SCG5: variants seen among roughly 807,000 people sequenced by gnomAD.
SCG5 encodes the protein neuroendocrine protein 7B2.
Under a neutral mutation model 25.7 loss-of-function variants are expected in SCG5, and 18 were observed. The ratio of observed to expected loss-of-function variants is 0.70; its 90% confidence interval spans 0.48 to 1.04. The LOEUF (loss-of-function observed/expected upper bound fraction) is 1.04. SCG5 is among the 50% of genes least tolerant of loss of function. SCG5 has a pLI of 0.00. For missense variants in SCG5, 206 were observed against 259.8 expected, an observed-to-expected ratio of 0.79 and a Z score of 1.42; for synonymous variants, 101 against 91.7, an observed-to-expected ratio of 1.10 and a Z score of -0.58.
At chr15:32,689,307 C>T (rs888146765) in intron 4 of SCG5, among the ~76,000 whole-genome samples, 16 of 152,134 alleles carry the variant, frequency 1.1e-4, no homozygotes, top group Middle Eastern at 3.2e-3. Flanking sequence ...TTGGCCAGTG[C>T]GAGTCTCCTC....
chr15:32,679,519 G>A (rs2054580256), intron 2 of SCG5, among the ~76,000 whole-genome samples: 2 of 152,170 alleles, frequency 1.3e-5, no homozygotes, highest in Admixed American at 1.3e-4. Context: ...ATGCTCTTGT[G>A]ATGCTGTATT....
intron 1 of SCG5, 54 bp from the exon 2 acceptor site, chr15:32,643,532 T>C: frequency 4.4e-6 from 6 of 1,368,018 alleles, no homozygotes; most frequent in Non-Finnish European, 6.3e-6. Context: ...ATAATTGTAT[T>C]ATCACAATTG....
At chr15:32,684,499 C>A in intron 3 of SCG5, 58 bp from the exon 4 acceptor site, 1 of 1,085,878 alleles carries the variant, frequency 9.2e-7, no homozygotes, top group Non-Finnish European at 1.4e-6. Flanking sequence ...GATAAATTAA[C>A]TCTTAGAATA....
intron 2 of SCG5, among the ~76,000 whole-genome samples, chr15:32,662,455 A>G (rs554245831): frequency 1.3e-4 from 19 of 149,810 alleles, no homozygotes; most frequent in African/African-American, 4.6e-4. Flanking sequence ...GACCAATGAA[A>G]CAGAACATCT....
intron 4 of SCG5, among the ~76,000 whole-genome samples, chr15:32,691,407 G>A (rs1437073091): frequency 1.3e-5 from 2 of 152,224 alleles, no homozygotes; most frequent in African/African-American, 4.8e-5. Flanking sequence ...GCTGTTCAAA[G>A]TGAGGAGATG....
chr15:32,653,761 C>G (rs1471331967), intron 2 of SCG5, among the ~76,000 whole-genome samples: 4 of 152,160 alleles, frequency 2.6e-5, no homozygotes, highest in Non-Finnish European at 4.4e-5. Flanking sequence ...AGAGAGTAAT[C>G]TGCTTTTCTT....
In SCG5 at chr15:32,696,595, A is replaced by C. The variant is rs375377755; in HGVS notation, c.625A>C (p.Lys209Gln). The change falls in exon 6 of 6, where the codon AAG becomes CAG. Residue 209 changes from lysine (K) to glutamine (Q), a missense_variant. Transcript: ENST00000300175. ...KSVPHFSDED[K>Q]DPE The stretch of plus-strand genomic sequence containing the variant: ...TGTCCCCCATTTTTCAGATGAGGAT[A>C]AGGATCCAGAGTAAAGAGAAGATGC... 1.2e-5 allele frequency: 19 copies of C among 1,611,014 alleles called. No individual in the cohort carries two copies. The African/African-American group carries it at 1.9e-4, about 16-fold the overall frequency.
At chr15:32,643,972 G>A (rs2140494144) in intron 2 of SCG5, among the ~76,000 whole-genome samples, 154 bp downstream of exon 2, 1 of 152,164 alleles carries the variant, frequency 6.6e-6, no homozygotes, top group East Asian at 1.9e-4. Context: ...CTTTCTCATG[G>A]TTTTCCCTTT....
chr15:32,646,808 A>C (rs2053950556), intron 2 of SCG5, among the ~76,000 whole-genome samples: 1 of 152,154 alleles, frequency 6.6e-6, no homozygotes, highest in Admixed American at 6.5e-5. Flanking sequence ...ATTTATTTGC[A>C]TTATCTTTGC....
intron 2 of SCG5, among the ~76,000 whole-genome samples, chr15:32,672,669 A>C (rs1461523541): frequency 6.6e-6 from 1 of 152,104 alleles, no homozygotes; most frequent in Non-Finnish European, 1.5e-5. Flanking sequence ...ACGGAAACGC[A>C]CTGGAAAGGG....
intron 2 of SCG5, among the ~76,000 whole-genome samples, chr15:32,651,819 G>A (rs1317707549): frequency 1.3e-5 from 2 of 152,216 alleles, no homozygotes; most frequent in African/African-American, 4.8e-5. Context: ...AGATGAACAC[G>A]ATGACATGTT....
chr15:32,669,549 C>A (rs1226187456), intron 2 of SCG5, among the ~76,000 whole-genome samples: 7 of 152,132 alleles, frequency 4.6e-5, no homozygotes, highest in Admixed American at 1.3e-4. Flanking sequence ...CAAACATGAG[C>A]CTTAACCTTA....
At chr15:32,674,307 C>A (rs1017727823) in intron 2 of SCG5, among the ~76,000 whole-genome samples, 7 of 152,084 alleles carry the variant, frequency 4.6e-5, no homozygotes, top group African/African-American at 1.7e-4. Context: ...AATCGGAAAC[C>A]TCTGTTAATT....
intron 4 of SCG5, among the ~76,000 whole-genome samples, chr15:32,687,176 CT>C (rs901066015): frequency 2.0e-5 from 3 of 152,188 alleles, no homozygotes; most frequent in African/African-American, 7.2e-5. Flanking sequence ...CTCTTCATCT[CT>C]TCTTGAAAAT....
rs1487963240 is a variant in SCG5 at position 32,686,457 on chromosome 15, G to T, written c.489+1788G>T. Among the ~76,000 whole-genome samples, 3 of 152,110 alleles carry T rather than the reference G, an allele frequency of 2.0e-5. No individual in the cohort carries two copies. The East Asian group carries it at 5.8e-4, about 29-fold the overall frequency. ...AAGGGGGAAAAACTAACTAGAATTG[G>T]TATACGGAATAAATATAACATGAAG... On this transcript the variant is annotated intron_variant, in intron 4 of 5. Coordinates refer to ENST00000300175, the MANE Select transcript of SCG5 (RefSeq NM_001144757.3).
chr15:32,681,656 C>T (rs2054623557), intron 3 of SCG5, among the ~76,000 whole-genome samples: 1 of 151,652 alleles, frequency 6.6e-6, no homozygotes, highest in Non-Finnish European at 1.5e-5. Flanking sequence ...CATTATGTTG[C>T]CCAGGCTAAA....
intron 2 of SCG5, among the ~76,000 whole-genome samples, chr15:32,650,553 C>T (rs1048907800): frequency 2.0e-5 from 3 of 152,204 alleles, no homozygotes; most frequent in African/African-American, 7.2e-5. Flanking sequence ...TGTATTATCC[C>T]CAGAAACAAA....
intron 2 of SCG5, among the ~76,000 whole-genome samples, chr15:32,659,184 A>AT (rs1362457784): frequency 1.3e-5 from 2 of 151,086 alleles, no homozygotes; most frequent in Admixed American, 1.3e-4. Context: ...TCAAAAAAAA[A>AT]CAAACAAAAA....
intron 2 of SCG5, among the ~76,000 whole-genome samples, chr15:32,674,780 A>G (rs1422256694): frequency 6.6e-6 from 1 of 152,226 alleles, no homozygotes; most frequent in Non-Finnish European, 1.5e-5. Flanking sequence ...GCCAACCTCA[A>G]AGGGATACGT....
Sources: gnomAD v4.1 joint callset for allele counts (sites outside exome capture counted in the v4.1 genomes callset) on GRCh38, gnomAD v4.1.1 for gene constraint, MANE v1.5 for transcripts, NCBI Gene and HGNC (gene_info 2026-07-23, HGNC 2026-07-21) for gene names.